The following ARL15 variants were observed in gnomAD, a reference collection of about 807,000 sequenced individuals.
ARL15 encodes the protein ARF like GTPase 15, also known as ADP-ribosylation factor-like protein 15.
ARL15 carries 19 observed loss-of-function variants against 25.2 expected under a neutral mutation model. The ratio of observed to expected loss-of-function variants is 0.75; its 90% CI spans 0.53 to 1.10. The LOEUF (loss-of-function observed/expected upper bound fraction) is 1.10, where lower values mean the gene tolerates loss of function less well. ARL15 is among the 50% of genes least tolerant of loss of function. The pLI, the probability that ARL15 is intolerant of heterozygous loss-of-function variation, is 0.00. For missense variants in ARL15, 220 were observed against 246.0 expected (o/e 0.89, Z 0.71); for synonymous variants, 94 against 86.8 (o/e 1.08, Z -0.46).
rs949153849 is a variant in ARL15, at chr5:54,140,417, C to T, written c.253+14163G>A. On this transcript the variant is annotated intron_variant, in intron 3 of 4. Coordinates refer to ENST00000504924, the MANE Select transcript of ARL15 (RefSeq NM_019087.3). Reference sequence around the variant, plus strand: ...ATATATATATGCGTGTGTGGATAGACAGATAGATAGATAGATAGATAGATA... The same window carrying T: ...ATATATATATGCGTGTGTGGATAGATAGATAGATAGATAGATAGATAGATA... 2.7e-3 allele frequency among the ~76,000 whole-genome samples: 389 copies of T among 145,354 alleles called. 4 individuals carry two copies. The highest frequency in any genetic ancestry group is 0.01 in the Middle Eastern group (3 of 290).
At chr5:54,216,729 G>A (rs1225937157) in intron 1 of ARL15, among the ~76,000 whole-genome samples, 1 of 152,092 alleles carries the variant, frequency 6.6e-6, no homozygotes, top group Non-Finnish European at 1.5e-5. Context: ...AATCTGTTGG[G>A]AATTACATGC....
At chr5:54,282,482 T>C (rs1758082918) in intron 1 of ARL15, 1 of 985,314 alleles carries the variant, frequency 1.0e-6, no homozygotes. Context: ...GTCTGTTTTC[T>C]AGGCTAGCTC....
At chr5:54,184,730 A>C (rs1755188978) in intron 1 of ARL15, among the ~76,000 whole-genome samples, 1 of 151,920 alleles carries the variant, frequency 6.6e-6, no homozygotes, top group South Asian at 2.1e-4. Flanking sequence ...ATAAAGATGG[A>C]GCTCAGTCCC....
chr5:54,137,929 AT>A (rs573902842), intron 3 of ARL15, among the ~76,000 whole-genome samples: 13 of 152,196 alleles, frequency 8.5e-5, no homozygotes, highest in Middle Eastern at 3.4e-3. Flanking sequence ...TGAGGAGAAC[AT>A]GCAGTGACTA....
At chr5:53,909,753 C>G (rs1026376057) in intron 4 of ARL15, among the ~76,000 whole-genome samples, 2 of 152,020 alleles carry the variant, frequency 1.3e-5, no homozygotes, top group African/African-American at 2.4e-5. Context: ...AAAACATACA[C>G]ATGAACACAT....
chr5:54,011,224 G>GCATTC (rs1554033864), intron 4 of ARL15, among the ~76,000 whole-genome samples: 1 of 151,338 alleles, frequency 6.6e-6, no homozygotes, highest in Non-Finnish European at 1.5e-5. Context: ...TATATACTGT[G>GCATTC]AATATCCAGA....
chr5:54,216,352 G>A (rs922066622), intron 1 of ARL15, among the ~76,000 whole-genome samples: 8 of 152,144 alleles, frequency 5.3e-5, no homozygotes, highest in Admixed American at 3.3e-4. Context: ...TTACTACACG[G>A]GGGTGTTATT....
intron 1 of ARL15, among the ~76,000 whole-genome samples, chr5:54,192,264 T>TA (rs572335482): frequency 0.26 from 36,594 of 141,870 alleles, 4,951 homozygotes; most frequent in African/African-American, 0.36. Context: ...AAAGTATAAG[T>TA]AAAAAAAAAA....
At chr5:53,908,943 G>T (rs1348031790) in intron 4 of ARL15, among the ~76,000 whole-genome samples, 1 of 152,142 alleles carries the variant, frequency 6.6e-6, no homozygotes, top group African/African-American at 2.4e-5. Context: ...GACATCATTT[G>T]AAAAATACAT....
chr5:53,898,680 C>T (rs1035581437), intron 4 of ARL15, among the ~76,000 whole-genome samples: 1 of 151,800 alleles, frequency 6.6e-6, no homozygotes, highest in Non-Finnish European at 1.5e-5. Context: ...AGACCTCACT[C>T]TGTTGCCCAG....
chr5:54,073,064 A>C (rs1751477391), intron 4 of ARL15, among the ~76,000 whole-genome samples: 1 of 152,234 alleles, frequency 6.6e-6, no homozygotes, highest in South Asian at 2.1e-4. Context: ...ACTTAAAATA[A>C]GTTATCAAGT....
At chr5:54,298,378 T>C (rs927620310) in intron 1 of ARL15, among the ~76,000 whole-genome samples, 8 of 152,208 alleles carry the variant, frequency 5.3e-5, no homozygotes, top group Admixed American at 5.2e-4. Context: ...CAACCCTCTG[T>C]GTCTCTGGTC....
At chr5:54,208,400 A>T (rs1050967320) in intron 1 of ARL15, among the ~76,000 whole-genome samples, 3 of 152,042 alleles carry the variant, frequency 2.0e-5, no homozygotes, top group Non-Finnish European at 4.4e-5. Context: ...ATACATGCAC[A>T]TGCGCACACA....
At chr5:54,002,381 T>C (rs1236236944) in intron 4 of ARL15, among the ~76,000 whole-genome samples, 1 of 152,136 alleles carries the variant, frequency 6.6e-6, no homozygotes, top group Non-Finnish European at 1.5e-5. Context: ...TAGTGGAGAA[T>C]TGAGAAGAGG....
intron 4 of ARL15, among the ~76,000 whole-genome samples, chr5:53,909,999 C>G (rs1745400706): frequency 6.6e-6 from 1 of 152,112 alleles, no homozygotes. Context: ...TATCTAAGCA[C>G]TTTGGGGATT....
At chr5:54,201,483 C>T (rs1350529724) in intron 1 of ARL15, among the ~76,000 whole-genome samples, 2 of 152,076 alleles carry the variant, frequency 1.3e-5, no homozygotes, top group African/African-American at 2.4e-5. Context: ...TCAGCAAGAA[C>T]CCCCATATCT....
chr5:53,940,209 G>A (rs573811219), intron 4 of ARL15, among the ~76,000 whole-genome samples: 2 of 152,154 alleles, frequency 1.3e-5, no homozygotes, highest in East Asian at 1.9e-4. Flanking sequence ...TCCTGACCCC[G>A]TCATCCGCCC....
chr5:54,168,399 CTTT>C lies in ARL15; in HGVS notation c.193+3382_193+3384del, dbSNP rs10611567. ...TTAAAACTCTGTCACATTCTCCCTA[CTTT>C]TTTTTTTTTTAACAATTCACCAAAA... On this transcript the variant is annotated intron_variant, in intron 2 of 4. Coordinates refer to ENST00000504924, the MANE Select transcript of ARL15 (RefSeq NM_019087.3). 1.4e-3 allele frequency among the ~76,000 whole-genome samples: 207 copies of C among 148,726 alleles called. 2 individuals are homozygous for C. The highest frequency in any genetic ancestry group is 2.4e-3 in the Admixed American group (35 of 14,848).
At chr5:54,058,750 T>C (rs111376690) in intron 4 of ARL15, among the ~76,000 whole-genome samples, 8 of 152,176 alleles carry the variant, frequency 5.3e-5, no homozygotes, top group African/African-American at 1.7e-4. Context: ...CCAGATCAGA[T>C]AGAGCTTTTG....
Sources: gnomAD v4.1 joint callset for allele counts (sites outside exome capture counted in the v4.1 genomes callset) on GRCh38, gnomAD v4.1.1 for gene constraint, MANE v1.5 for transcripts, NCBI Gene and HGNC (gene_info 2026-07-23, HGNC 2026-07-21) for gene names.